The following NSMCE2 variants were observed in gnomAD, a reference collection of about 807,000 sequenced individuals.
NSMCE2 encodes the protein NSE2 SUMO ligase component of SMC5/6 complex.
In NSMCE2, 24 loss-of-function variants were observed where a neutral mutation model predicts 23.8. That is an observed-to-expected ratio of 1.01 (90% confidence interval 0.73 to 1.42). NSMCE2 has a LOEUF of 1.42. Among genes scored for constraint, NSMCE2 ranks in the 40% most tolerant of loss-of-function variants. The probability of loss-of-function intolerance (pLI) is 0.00; values close to 1 mark genes in which losing one functional copy is unlikely to be tolerated. For synonymous variants in NSMCE2, 92 were observed against 94.1 expected (o/e 0.98, Z 0.13); for missense variants, 284 against 296.5 (o/e 0.96, Z 0.31).
intron 5 of NSMCE2, among the ~76,000 whole-genome samples, chr8:125,253,664 A>G (rs1826288186): frequency 6.6e-6 from 1 of 152,200 alleles, no homozygotes; most frequent in African/African-American, 2.4e-5. Flanking sequence ...TAAAGGCAGC[A>G]TCTCATGTGA....
chr8:125,135,062 G>C (rs1478163374), intron 3 of NSMCE2, among the ~76,000 whole-genome samples: 3 of 151,920 alleles, frequency 2.0e-5, no homozygotes, highest in Non-Finnish European at 4.4e-5. Flanking sequence ...TGCCACAAAT[G>C]CCAACCTCCA....
chr8:125,272,674 GTA>G (rs761243224), intron 5 of NSMCE2, among the ~76,000 whole-genome samples: 1 of 122,206 alleles, frequency 8.2e-6, no homozygotes, highest in Admixed American at 7.8e-5. Flanking sequence ...GCCTTATTAT[GTA>G]TATATATATC....
chr8:125,330,600 G>A (rs984443174), intron 5 of NSMCE2, among the ~76,000 whole-genome samples: 1 of 152,094 alleles, frequency 6.6e-6, no homozygotes, highest in Non-Finnish European at 1.5e-5. Flanking sequence ...GGAATGCATG[G>A]GCCAAAAATA....
At chr8:125,150,633 C>T (rs553551947) in intron 3 of NSMCE2, among the ~76,000 whole-genome samples, 49 of 151,974 alleles carry the variant, frequency 3.2e-4, no homozygotes, top group South Asian at 2.7e-3. Context: ...CTGCCTGCCT[C>T]GGCCTCCCAA....
At chr8:125,350,435 A>C (rs575788772) in intron 5 of NSMCE2, among the ~76,000 whole-genome samples, 5 of 152,226 alleles carry the variant, frequency 3.3e-5, no homozygotes, top group African/African-American at 1.2e-4. Flanking sequence ...AGAAAAGGCC[A>C]GTGTGCCTTG....
Position 125,098,312 on chromosome 8 carries a change from C to A in NSMCE2, c.-110-3739C>A, listed in dbSNP as rs1818032621. Among the ~76,000 whole-genome samples the A allele has an allele frequency of 2.0e-5, 3 of 152,278 alleles. No individual in the cohort carries two copies. The South Asian group carries it at 6.2e-4, about 32-fold the overall frequency. On this transcript the variant is annotated intron_variant, in intron 1 of 7. Transcript: ENST00000287437. ...TGTTGGGGCCTGAGAATTTGCATTT[C>A]TAACAAGTTCATAGGTGATGCTGGT...
chr8:125,261,482 CACTTTTGAA>C (rs1484450833), intron 5 of NSMCE2, among the ~76,000 whole-genome samples: 2 of 152,154 alleles, frequency 1.3e-5, no homozygotes, highest in African/African-American at 4.8e-5. Flanking sequence ...TGACTTCAGT[CACTTTTGAA>C]ATATTGGGAA....
At chr8:125,148,159 T>C (rs561025687) in intron 3 of NSMCE2, among the ~76,000 whole-genome samples, 1 of 152,302 alleles carries the variant, frequency 6.6e-6, no homozygotes, top group African/African-American at 2.4e-5. Context: ...TTCAGCAGCT[T>C]GTCCCAACAT....
intron 3 of NSMCE2, among the ~76,000 whole-genome samples, chr8:125,119,534 A>G (rs1338534667): frequency 6.6e-6 from 1 of 152,232 alleles, no homozygotes; most frequent in African/African-American, 2.4e-5. Flanking sequence ...CATCACAGAA[A>G]AAATGGAATT....
chr8:125,336,025 G>C (rs1830054626), intron 5 of NSMCE2, among the ~76,000 whole-genome samples: 1 of 152,182 alleles, frequency 6.6e-6, no homozygotes, highest in South Asian at 2.1e-4. Context: ...GGAGAGGACA[G>C]ATGTTATCAC....
At chr8:125,272,896 A>T (rs527239776) in intron 5 of NSMCE2, among the ~76,000 whole-genome samples, 1 of 129,152 alleles carries the variant, frequency 7.7e-6, no homozygotes, top group South Asian at 2.2e-4. Flanking sequence ...TATATATATA[A>T]AAGGCTGTGT....
At chr8:125,188,723 A>G (rs1823217376) in intron 5 of NSMCE2, among the ~76,000 whole-genome samples, 1 of 152,186 alleles carries the variant, frequency 6.6e-6, no homozygotes, top group African/African-American at 2.4e-5. Flanking sequence ...AGAAGAGTGA[A>G]TGGTTTTGCT....
chr8:125,319,526 TG>T (rs1829341861), intron 5 of NSMCE2, among the ~76,000 whole-genome samples: 1 of 152,154 alleles, frequency 6.6e-6, no homozygotes, highest in Non-Finnish European at 1.5e-5. Flanking sequence ...AAGGTAGGTG[TG>T]TGTGTGTGGG....
chr8:125,327,368 T>C (rs1048274717), intron 5 of NSMCE2, among the ~76,000 whole-genome samples: 2 of 152,104 alleles, frequency 1.3e-5, no homozygotes, highest in Non-Finnish European at 1.5e-5. Flanking sequence ...GAAAACTATA[T>C]GACTGAAACA....
At chr8:125,177,589 C>G (rs1446733784) in intron 4 of NSMCE2, among the ~76,000 whole-genome samples, 1 of 152,200 alleles carries the variant, frequency 6.6e-6, no homozygotes, top group Non-Finnish European at 1.5e-5. Context: ...GGGCCAGACA[C>G]TAGGGACATA....
intron 5 of NSMCE2, among the ~76,000 whole-genome samples, chr8:125,284,167 AAAG>A (rs1268472994): frequency 2.0e-5 from 3 of 151,124 alleles, no homozygotes; most frequent in African/African-American, 7.3e-5. Context: ...AAAAAAAAAA[AAAG>A]AATGACTCAA....
intron 1 of NSMCE2, among the ~76,000 whole-genome samples, chr8:125,100,358 C>T (rs1818131997): frequency 6.6e-6 from 1 of 152,090 alleles, no homozygotes; most frequent in Non-Finnish European, 1.5e-5. Flanking sequence ...TTCTCCATTA[C>T]CCTTCCATCT....
At chr8:125,246,152 C>G (rs142983007) in intron 5 of NSMCE2, among the ~76,000 whole-genome samples, 1 of 152,098 alleles carries the variant, frequency 6.6e-6, no homozygotes, top group East Asian at 1.9e-4. Flanking sequence ...TGTGACAATT[C>G]AATCTGCAAA....
At chr8:125,357,463 G>A (rs1016755191) in intron 6 of NSMCE2, 144 bp downstream of exon 6, 14 of 679,584 alleles carry the variant, frequency 2.1e-5, no homozygotes, top group African/African-American at 7.2e-5. Context: ...GAGTATCCAC[G>A]GGAGGTTCTT....
Sources: allele counts gnomAD v4.1 joint callset (sites outside exome capture counted in the v4.1 genomes callset), GRCh38; gene constraint gnomAD v4.1.1; transcripts MANE v1.5; gene names NCBI Gene and HGNC (gene_info 2026-07-23, HGNC 2026-07-21).